Variants in PRKX observed in about 807,000 individuals in gnomAD.
PRKX encodes the protein cAMP-dependent protein kinase catalytic subunit PRKX.
Under a neutral mutation model 22.0 loss-of-function variants are expected in PRKX, and 12 were observed. That is an observed-to-expected ratio of 0.54 (90% CI 0.35 to 0.88). The LOEUF (loss-of-function observed/expected upper bound fraction) is 0.88. PRKX is among the 40% of genes least tolerant of loss of function. The probability of loss-of-function intolerance (pLI) is 0.01; values close to 1 mark genes in which losing one functional copy is unlikely to be tolerated. For missense variants in PRKX, 217 were observed against 308.0 expected, an observed-to-expected ratio of 0.70 and a Z score of 2.21; for synonymous variants, 134 against 137.7, an observed-to-expected ratio of 0.97 and a Z score of 0.19.
chrX:3,662,213 G>A (rs1175406533), intron 2 of PRKX, among the ~76,000 whole-genome samples: 1 of 110,821 alleles, frequency 9.0e-6, no homozygotes, highest in Non-Finnish European at 1.9e-5. Context: ...CAGGGAGGCA[G>A]GGGGCATCTC....
intron 1 of PRKX, among the ~76,000 whole-genome samples, chrX:3,684,357 A>T (rs1468442601): frequency 2.7e-5 from 3 of 112,058 alleles, no homozygotes; most frequent in Non-Finnish European, 5.6e-5. Context: ...CTTTCCCTCT[A>T]TCAAGTGTTG....
chrX:3,673,668 G>A (rs185476082), intron 2 of PRKX, among the ~76,000 whole-genome samples: 206 of 110,965 alleles, frequency 1.9e-3, no homozygotes, highest in African/African-American at 6.5e-3. Context: ...GGCACCCATG[G>A]AGGGAAAGGA....
At chrX:3,709,203 A>G (rs1325030010) in intron 1 of PRKX, among the ~76,000 whole-genome samples, 5 of 106,524 alleles carry the variant, frequency 4.7e-5, no homozygotes, top group African/African-American at 1.7e-4. Flanking sequence ...AAAAAAAAAA[A>G]GCTGAACGAG....
chrX:3,632,469 T>G (rs1192137318), intron 4 of PRKX, among the ~76,000 whole-genome samples: 2 of 65,660 alleles, frequency 3.0e-5, no homozygotes, highest in African/African-American at 4.6e-5. Context: ...GCGACTCAGC[T>G]GTGTGAATAA....
At chrX:3,670,979 C>T (rs1375175212) in intron 2 of PRKX, among the ~76,000 whole-genome samples, 1 of 111,941 alleles carries the variant, frequency 8.9e-6, no homozygotes, top group South Asian at 3.7e-4. Context: ...GACTTCAGGG[C>T]CTGCCTTGTT....
intron 1 of PRKX, among the ~76,000 whole-genome samples, chrX:3,696,962 G>A (rs1367637897): frequency 8.9e-6 from 1 of 112,247 alleles, no homozygotes; most frequent in Non-Finnish European, 1.9e-5. Flanking sequence ...GGAGGTTGGG[G>A]TGAGCCAAGA....
At chrX:3,703,721 G>A (rs1288011119) in intron 1 of PRKX, among the ~76,000 whole-genome samples, 7 of 97,065 alleles carry the variant, frequency 7.2e-5, no homozygotes, top group African/African-American at 1.6e-4. Flanking sequence ...CCCCAGGTTG[G>A]AGTGCAGTGG....
At chrX:3,651,836 G>A (rs1388220505) in intron 3 of PRKX, among the ~76,000 whole-genome samples, 1 of 111,616 alleles carries the variant, frequency 9.0e-6, no homozygotes, top group African/African-American at 3.3e-5. Context: ...GTGCAATCCT[G>A]GGTATTTGAA....
At chrX:3,653,693 CTA>C (rs1261057207) in intron 3 of PRKX, among the ~76,000 whole-genome samples, 3 of 62,062 alleles carry the variant, frequency 4.8e-5, no homozygotes, top group South Asian at 8.9e-4. Flanking sequence ...ATATAATATA[CTA>C]TGTGATATAT....
Position 3,604,943 on chromosome X carries a change from C to T in PRKX, c.*4026G>A, listed in dbSNP as rs1926129539. The T allele has an allele frequency of 9.2e-6, 1 of 108,614 alleles. No individual in the cohort carries two copies. Among genetic ancestry groups the T allele is most frequent in the South Asian group, 4.1e-4 (1 of 2,441 alleles). 9.0% of individuals were successfully genotyped at this position (108,614 alleles called of 1,213,427 possible). Reference sequence around the variant, plus strand: ...GGGACTGTTCTGCGGGGTGCAAGGCCATAAGGTTTGCAAAGCAAACTTGAT... The same window carrying T: ...GGGACTGTTCTGCGGGGTGCAAGGCTATAAGGTTTGCAAAGCAAACTTGAT... On this transcript the variant is annotated 3_prime_UTR_variant, in exon 9 of 9. Transcript: ENST00000262848.
At chrX:3,633,600 T>C (rs1187138389) in intron 4 of PRKX, among the ~76,000 whole-genome samples, 1 of 111,139 alleles carries the variant, frequency 9.0e-6, no homozygotes, top group African/African-American at 3.3e-5. Flanking sequence ...TTTACACCAA[T>C]TGTGCCACTA....
At chrX:3,609,719 G>T (rs140616871) in intron 8 of PRKX, among the ~76,000 whole-genome samples, 1,351 of 111,488 alleles carry the variant, frequency 0.012, 27 homozygotes, top group African/African-American at 0.042. Flanking sequence ...GCCTCCCAAA[G>T]TGCCGGGATT....
chrX:3,615,298 C>T (rs1442882942), intron 7 of PRKX, among the ~76,000 whole-genome samples: 3 of 111,361 alleles, frequency 2.7e-5, no homozygotes, highest in African/African-American at 9.8e-5. Flanking sequence ...GAATTATAGG[C>T]GTGAGCCACA....
At chrX:3,673,734 C>A (rs1175794929) in intron 2 of PRKX, among the ~76,000 whole-genome samples, 1 of 111,037 alleles carries the variant, frequency 9.0e-6, no homozygotes, top group Non-Finnish European at 1.9e-5. Flanking sequence ...AATTACCCTG[C>A]TGGAATGGTC....
intron 1 of PRKX, among the ~76,000 whole-genome samples, chrX:3,692,366 C>T (rs1207063493): frequency 1.8e-5 from 2 of 109,888 alleles, no homozygotes; most frequent in African/African-American, 3.3e-5. Flanking sequence ...GGGGGAAGGC[C>T]GGCCCCCAGT....
In PRKX at chrX:3,607,767, A is replaced by AAAG. The variant is rs1236701362; in HGVS notation, c.*1199_*1201dup. 3.6e-5 allele frequency: 4 copies of AAAG among 110,065 alleles called. No homozygotes were observed. Among genetic ancestry groups the AAAG allele is most frequent in the Non-Finnish European group, 7.6e-5 (4 of 52,834 alleles). 9.1% of individuals were successfully genotyped at this position (110,065 alleles called of 1,213,427 possible). On this transcript the variant is annotated 3_prime_UTR_variant, in exon 9 of 9. Transcript: ENST00000262848. ...CTCAATCTTCCTGCCTCAGCTTCCC[A>AAAG]AAGTCCCAGGGTTACAGGAGTGCAC... is the stretch of plus-strand genomic sequence containing the variant.
chrX:3,701,874 G>C (rs972703463), intron 1 of PRKX, among the ~76,000 whole-genome samples: 8 of 111,955 alleles, frequency 7.1e-5, no homozygotes, highest in African/African-American at 2.6e-4. Flanking sequence ...ACGTCAGGAA[G>C]TTACCCTATT....
At chrX:3,667,861 G>A (rs1209735683) in intron 2 of PRKX, 1 of 110,534 alleles carries the variant, frequency 9.0e-6, no homozygotes, top group Non-Finnish European at 1.9e-5. Flanking sequence ...GTCACTCCCT[G>A]TCTAGAATGA....
At chrX:3,637,982 G>A (rs1375187937) in intron 4 of PRKX, among the ~76,000 whole-genome samples, 3 of 110,199 alleles carry the variant, frequency 2.7e-5, no homozygotes, top group Non-Finnish European at 5.7e-5. Context: ...GGCTGGTCTC[G>A]AACTCCTGAC....
Sources: gnomAD v4.1 joint callset for allele counts (sites outside exome capture counted in the v4.1 genomes callset) on GRCh38, gnomAD v4.1.1 for gene constraint, MANE v1.5 for transcripts, NCBI Gene and HGNC (gene_info 2026-07-23, HGNC 2026-07-21) for gene names.